LDB3: variants seen among roughly 807,000 people sequenced by gnomAD.
LDB3 encodes the protein LIM domain-binding protein 3.
A neutral mutation model predicts 69.0 loss-of-function variants in LDB3; 49 were observed. The observed-to-expected ratio is 0.71, with a 90% CI of 0.56 to 0.90. LDB3 has a LOEUF of 0.90. LDB3 is among the 40% of genes least tolerant of loss of function. The probability of loss-of-function intolerance (pLI) is 0.00; values close to 1 mark genes in which losing one functional copy is unlikely to be tolerated. For synonymous variants in LDB3, 387 were observed against 396.2 expected (o/e 0.98, Z 0.28); for missense variants, 928 against 974.1 (o/e 0.95, Z 0.63).
chr10:86,672,051 G>T (rs953662956), intron 2 of LDB3, among the ~76,000 whole-genome samples: 1 of 152,156 alleles, frequency 6.6e-6, no homozygotes, highest in African/African-American at 2.4e-5. Flanking sequence ...GGCAGAGGTT[G>T]CAGTGAGCTG....
chr10:86,690,843 A>G (rs1845723466), intron 5 of LDB3, among the ~76,000 whole-genome samples: 1 of 152,204 alleles, frequency 6.6e-6, no homozygotes, highest in African/African-American at 2.4e-5. Context: ...AGCAGCCAGG[A>G]AACCTAGGTT....
At chr10:86,726,679 G>T (rs907124310) in intron 13 of LDB3, among the ~76,000 whole-genome samples, 3 of 152,186 alleles carry the variant, frequency 2.0e-5, no homozygotes, top group African/African-American at 7.2e-5. Context: ...GATTGGAGCT[G>T]ACTAATCCTA....
In LDB3 at chr10:86,709,905, G is replaced by A. The variant is rs780212891; in HGVS notation, c.1086G>A (p.Arg362=). The A allele has an allele frequency of 6.2e-7, 1 of 1,609,698 alleles. No homozygotes were observed. The highest frequency in any genetic ancestry group is 8.5e-7 in the Non-Finnish European group (1 of 1,179,940). The change falls in exon 9 of 14, where the codon AGG becomes AGA. Residue 362 remains arginine, a splice_region_variant and synonymous_variant. Coordinates refer to ENST00000361373, the MANE Select transcript of LDB3 (RefSeq NM_007078.3). ...GTAACCCCTCCCCGCTTGGTTCCAG[G>A]CCCCAGGCCTCTTCCTACAGCCCCG... ...APASSPADSP[R]PQASSYSPAV... is the part of the protein sequence containing the mutation.
intron 7 of LDB3, among the ~76,000 whole-genome samples, chr10:86,696,183 T>TC (rs1845988160): frequency 6.6e-6 from 1 of 151,138 alleles, no homozygotes; most frequent in Non-Finnish European, 1.5e-5. Context: ...CCCCCTTCCC[T>TC]CCCTCTGCTG....
chr10:86,699,697 C>A lies in LDB3; in HGVS notation c.897-6834C>A. Reference sequence around the variant, plus strand: ...GGGCAGGAGGGGTTTGCTGGCATAACACCCCAGAACCAAGGGAAATGGATG... The same window carrying A: ...GGGCAGGAGGGGTTTGCTGGCATAAAACCCCAGAACCAAGGGAAATGGATG... On this transcript the variant is annotated intron_variant, in intron 7 of 13. Coordinates refer to ENST00000361373, the MANE Select transcript of LDB3 (RefSeq NM_007078.3). This position sits in a 1 kb window ranked among gnomAD's most constrained non-coding sequence, Gnocchi z 4.9. 1 of 1,192,974 alleles carries A rather than the reference C, an allele frequency of 8.4e-7. No homozygotes were observed. Among genetic ancestry groups the A allele is most frequent in the Non-Finnish European group, 1.1e-6 (1 of 950,112 alleles). The allele number at this position is 1,192,974 out of a possible 1,614,324, so 73.9% of individuals were successfully genotyped here.
At chr10:86,714,497 C>T (rs1034426709) in intron 9 of LDB3, among the ~76,000 whole-genome samples, 12 of 151,612 alleles carry the variant, frequency 7.9e-5, no homozygotes, top group East Asian at 1.9e-4. Context: ...ATGACAGATG[C>T]TATGTGCCTC....
At chr10:86,684,282 CCT>C (rs1436894011) in intron 5 of LDB3, among the ~76,000 whole-genome samples, 1 of 152,260 alleles carries the variant, frequency 6.6e-6, no homozygotes, top group Non-Finnish European at 1.5e-5. Flanking sequence ...GGCACTGGCT[CCT>C]CTCAGATGTG....
intron 5 of LDB3, 110 bp downstream of exon 5, chr10:86,681,913 C>A: frequency 8.6e-7 from 1 of 1,160,572 alleles, no homozygotes; most frequent in Non-Finnish European, 1.2e-6. Context: ...CCCAATCCAG[C>A]CAGCCCCGAG....
chr10:86,713,848 T>G (rs1307120493), intron 9 of LDB3, among the ~76,000 whole-genome samples: 1 of 152,172 alleles, frequency 6.6e-6, no homozygotes, highest in Non-Finnish European at 1.5e-5. Flanking sequence ...AGGCAGGGTG[T>G]CAGGCATTCC....
chr10:86,684,059 A>G (rs4934245), intron 5 of LDB3, among the ~76,000 whole-genome samples: 20,378 of 152,246 alleles, frequency 0.13, 1,577 homozygotes, highest in African/African-American at 0.21. Context: ...CCTCTGGGCA[A>G]CTTGCAGTGC....
At chr10:86,670,848 C>T (rs1215044436) in intron 2 of LDB3, among the ~76,000 whole-genome samples, 1 of 152,230 alleles carries the variant, frequency 6.6e-6, no homozygotes, top group African/African-American at 2.4e-5. Flanking sequence ...CCCCAGGGCT[C>T]GGAGCCTCTT....
In LDB3 at chr10:86,699,365, T is replaced by G. The variant is rs1846156832; in HGVS notation, c.896+6794T>G. ...GCCTTTCAGCCCAAATCCTTAATGT[T>G]AAAAGCTAAAAGGCTGCCTGGAATC... On this transcript the variant is annotated intron_variant, in intron 7 of 13. Coordinates refer to ENST00000361373, the MANE Select transcript of LDB3 (RefSeq NM_007078.3). The surrounding 1 kb of genome is among the most constrained non-coding windows in gnomAD (Gnocchi z 4.9). 1 of 1,613,584 alleles carries G rather than the reference T, an allele frequency of 6.2e-7. No individual in the cohort carries two copies. Among genetic ancestry groups the G allele is most frequent in the Non-Finnish European group, 8.5e-7 (1 of 1,179,950 alleles).
At chr10:86,709,441 C>A (rs1331722129) in intron 8 of LDB3, among the ~76,000 whole-genome samples, 1 of 152,176 alleles carries the variant, frequency 6.6e-6, no homozygotes, top group African/African-American at 2.4e-5. Flanking sequence ...TGAGCTCTCA[C>A]TGGAGCATCT....
chr10:86,700,513 G>C (rs1442435378), intron 7 of LDB3, among the ~76,000 whole-genome samples: 2 of 152,190 alleles, frequency 1.3e-5, no homozygotes, highest in Admixed American at 6.5e-5. Flanking sequence ...CAGTTCACAA[G>C]GGAACTCAGG....
rs1846456831 is a variant in LDB3, at chr10:86,706,681, C to T, written c.1047C>T (p.Ser349=). ...AAAHTAIASA[S]TTAPASSPAD... is the part of the protein sequence containing the mutation. ...CCCACACTGCCATCGCCTCCGCCTC[C>T]ACCACAGCCCCTGCTTCAAGTCCTG... The change falls in exon 8 of 14, where the codon TCC becomes TCT. Residue 349 remains serine (S), a synonymous_variant. Transcript: ENST00000361373. The T allele has an allele frequency of 1.2e-6, 2 of 1,612,794 alleles. No homozygotes were observed. Among genetic ancestry groups the T allele is most frequent in the Admixed American group, 1.7e-5 (1 of 59,972 alleles).
chr10:86,709,804 C>G, intron 8 of LDB3, 101 bp from the exon 9 acceptor site: 1 of 1,294,854 alleles, frequency 7.7e-7, no homozygotes, highest in Non-Finnish European at 1.1e-6. Flanking sequence ...TGTCAGGTGT[C>G]CTCACAGAGG....
chr10:86,702,615 G>C (rs1027671457), intron 7 of LDB3, among the ~76,000 whole-genome samples: 2 of 152,176 alleles, frequency 1.3e-5, no homozygotes, highest in African/African-American at 2.4e-5. Context: ...TATGACTAAG[G>C]CAGGAGGCAA....
rs1846481131 is a variant in LDB3 at position 86,707,304 on chromosome 10, C to T, written c.1085+585C>T. On this transcript the variant is annotated intron_variant, in intron 8 of 13. Transcript: ENST00000361373. ...ACTGTGTGTAACCTTGAAAAAGTGACTGAAGCTCTCTGAACCTCAGTTTCC... is the reference window on the plus strand; with the variant it reads ...ACTGTGTGTAACCTTGAAAAAGTGATTGAAGCTCTCTGAACCTCAGTTTCC... 1.3e-5 allele frequency among the ~76,000 whole-genome samples: 2 copies of T among 152,114 alleles called. 1 individual carries two copies. The highest frequency in any genetic ancestry group is 4.1e-4 in the South Asian group (2 of 4,826).
intron 7 of LDB3, among the ~76,000 whole-genome samples, chr10:86,695,973 T>C (rs1216574491): frequency 6.6e-6 from 1 of 152,216 alleles, no homozygotes; most frequent in African/African-American, 2.4e-5. Context: ...CATCTCCCCA[T>C]CTTTCCAAGC....
Sources: allele counts gnomAD v4.1 joint callset (sites outside exome capture counted in the v4.1 genomes callset), GRCh38; gene constraint gnomAD v4.1.1; non-coding constraint Gnocchi (gnomAD v3.1); transcripts MANE v1.5; gene names NCBI Gene and HGNC (gene_info 2026-07-23, HGNC 2026-07-21).